The following ANAPC16 variants were observed in gnomAD, a reference collection of about 807,000 sequenced individuals.
ANAPC16 encodes the protein anaphase-promoting complex subunit 16.
ANAPC16 carries 6 observed loss-of-function variants against 13.1 expected under a neutral mutation model. That is an observed-to-expected ratio of 0.46 (90% CI 0.25 to 0.90). The LOEUF is 0.90. Ranked by LOEUF, ANAPC16 falls within the 40% of genes least tolerant of loss-of-function variation. The probability of loss-of-function intolerance (pLI) is 0.18; values close to 1 mark genes in which losing one functional copy is unlikely to be tolerated. For missense variants in ANAPC16, 113 were observed against 131.1 expected (o/e 0.86, Z 0.67); for synonymous variants, 55 against 51.3 (o/e 1.07, Z -0.31).
chr10:72,232,893 C>T (rs1860367413), intron 3 of ANAPC16, 108 bp from the exon 4 acceptor site: 3 of 890,848 alleles, frequency 3.4e-6, no homozygotes, highest in African/African-American at 3.3e-5. Flanking sequence ...CGTGATCCAC[C>T]ACACCCGGCC....
At position 72,217,658 on chromosome 10, in the gene ANAPC16, A is replaced by G. The variant is rs529856727; in HGVS notation, c.-28+1520A>G. Among the ~76,000 whole-genome samples, 3 of 152,220 alleles carry G rather than the reference A, an allele frequency of 2.0e-5. No homozygotes were observed. The South Asian group carries it at 6.2e-4, about 32-fold the overall frequency. Reference sequence around the variant, plus strand: ...ATCTGCATAGGAAAAAAGACTCAGTAGTAACTCTCCGTTAATGACTTTGAA... The same window carrying G: ...ATCTGCATAGGAAAAAAGACTCAGTGGTAACTCTCCGTTAATGACTTTGAA... On this transcript the variant is annotated intron_variant, in intron 1 of 3. Coordinates refer to ENST00000299381, the MANE Select transcript of ANAPC16 (RefSeq NM_173473.4).
At chr10:72,228,717 T>C (rs1328341286) in intron 2 of ANAPC16, among the ~76,000 whole-genome samples, 2 of 152,170 alleles carry the variant, frequency 1.3e-5, no homozygotes, top group African/African-American at 4.8e-5. Flanking sequence ...TGGACGTTAA[T>C]AGGGAGCTGC....
chr10:72,228,058 G>A (rs1860181499), intron 2 of ANAPC16, among the ~76,000 whole-genome samples: 2 of 151,498 alleles, frequency 1.3e-5, no homozygotes, highest in Admixed American at 1.3e-4. Flanking sequence ...TATGAAAATA[G>A]AGCAGGAAGG....
rs1248936749 is a variant in ANAPC16, at chr10:72,233,110, A to G, written c.327A>G (p.Ser109=). 6 of 1,613,870 alleles carry G rather than the reference A, an allele frequency of 3.7e-6. No individual in the cohort carries two copies. The highest frequency in any genetic ancestry group is 1.3e-5 in the African/African-American group (1 of 75,046). The part of the protein sequence containing the change: ...IEQLLGFTPS[S]G ...AGCTGCTGGGATTCACCCCCTCTTC[A>G]GGTTGATACTGCCTGGATGGTCACC... is the stretch of plus-strand genomic sequence containing the variant. The change falls in exon 4 of 4, where the codon TCA becomes TCG. Residue 109 remains serine (S), a synonymous_variant. Transcript: ENST00000299381.
intron 1 of ANAPC16, among the ~76,000 whole-genome samples, chr10:72,218,052 A>G (rs903486764): frequency 1.3e-5 from 2 of 150,390 alleles, no homozygotes; most frequent in Non-Finnish European, 3.0e-5. Context: ...CAACTAAGGA[A>G]CAAAAAGATC....
intron 2 of ANAPC16, among the ~76,000 whole-genome samples, chr10:72,224,422 G>T (rs1860051019): frequency 6.6e-6 from 1 of 152,100 alleles, no homozygotes; most frequent in Non-Finnish European, 1.5e-5. Context: ...AGAGCAGCCT[G>T]GCCAACATGG....
chr10:72,218,163 AAAATATATATATATAT>A (rs1253832687), intron 1 of ANAPC16, among the ~76,000 whole-genome samples: 121 of 34,112 alleles, frequency 3.5e-3, no homozygotes, highest in South Asian at 0.011. Context: ...AAAAAAAAAA[AAAATATATATATATAT>A]ATATATATAT....
At chr10:72,221,707 C>G (rs1486305106) in intron 1 of ANAPC16, among the ~76,000 whole-genome samples, 3 of 149,674 alleles carry the variant, frequency 2.0e-5, no homozygotes, top group Non-Finnish European at 3.0e-5. Context: ...TACAGGCGCC[C>G]ACCACCACAC....
rs374106007 is a variant in ANAPC16 at position 72,223,905 on chromosome 10, T to C, written c.-10T>C. ...CTCTGTAGTGAAGTAAGAACTCTGC[T>C]AGAGAGGAAATGGCTGCTTCATCAT... On this transcript the variant is annotated 5_prime_UTR_variant, in exon 2 of 4. Transcript: ENST00000299381. 294 of 1,590,556 alleles carry C rather than the reference T, an allele frequency of 1.8e-4. 2 individuals carry two copies. Among genetic ancestry groups the C allele is most frequent in the South Asian group, 1.1e-3 (100 of 89,266 alleles).
chr10:72,233,917 C>T lies in ANAPC16; in HGVS notation c.*801C>T, dbSNP rs137865090. On this transcript the variant is annotated 3_prime_UTR_variant, in exon 4 of 4. Coordinates refer to ENST00000299381, the MANE Select transcript of ANAPC16 (RefSeq NM_173473.4). Reference sequence around the variant, plus strand: ...TTTTAGAAGAAGGGAATCTAAAAACCATCTCTCCTAAACAAATGGTAGACT... The same window carrying T: ...TTTTAGAAGAAGGGAATCTAAAAACTATCTCTCCTAAACAAATGGTAGACT... 4.7e-4 allele frequency: 71 copies of T among 152,512 alleles called. No individual in the cohort carries two copies. The highest frequency in any genetic ancestry group is 1.6e-3 in the African/African-American group (66 of 41,524). 9.4% of individuals were successfully genotyped at this position (152,512 alleles called of 1,614,324 possible).
At chr10:72,226,274 C>T (rs1860120705) in intron 2 of ANAPC16, among the ~76,000 whole-genome samples, 1 of 152,036 alleles carries the variant, frequency 6.6e-6, no homozygotes, top group South Asian at 2.1e-4. Flanking sequence ...CCACCTCAGC[C>T]TCCCAAAGTG....
rs1342327578 is a variant in ANAPC16 at position 72,235,214 on chromosome 10, T to G, written c.*2098T>G. On this transcript the variant is annotated 3_prime_UTR_variant, in exon 4 of 4. Transcript: ENST00000299381. ...CTGTAATCCCGGCACTTTGGGAGGC[T>G]GAGGCAGGCGGATTGCCTGAGATCG... The G allele has an allele frequency of 2.0e-5, 3 of 151,668 alleles. No homozygotes were observed. The highest frequency in any genetic ancestry group is 7.3e-5 in the African/African-American group (3 of 41,244). 9.4% of individuals were successfully genotyped at this position (151,668 alleles called of 1,614,324 possible).
rs968475801 is a variant in ANAPC16, at chr10:72,235,282, C to T, written c.*2166C>T. 1 of 151,578 alleles carries T rather than the reference C, an allele frequency of 6.6e-6. No homozygotes were observed. The highest frequency in any genetic ancestry group is 6.6e-5 in the Admixed American group (1 of 15,176). 9.4% of individuals were successfully genotyped at this position (151,578 alleles called of 1,614,324 possible). ...TGGCCAACATGGTGAAACCTTGTCTCTACTAAAACTACAAAAAAAATTAGC... is the reference window on the plus strand; with the variant it reads ...TGGCCAACATGGTGAAACCTTGTCTTTACTAAAACTACAAAAAAAATTAGC... On this transcript the variant is annotated 3_prime_UTR_variant, in exon 4 of 4. Coordinates refer to ENST00000299381, the MANE Select transcript of ANAPC16 (RefSeq NM_173473.4).
At chr10:72,225,291 A>G (rs139790598) in intron 2 of ANAPC16, among the ~76,000 whole-genome samples, 2 of 146,536 alleles carry the variant, frequency 1.4e-5, no homozygotes, top group East Asian at 4.1e-4. Context: ...TCAAAAATAT[A>G]TATAAATAAA....
At chr10:72,219,976 A>T (rs940286184) in intron 1 of ANAPC16, 1 of 152,198 alleles carries the variant, frequency 6.6e-6, no homozygotes, top group African/African-American at 2.4e-5. Context: ...CCTTACTAGG[A>T]ATCTGGATTT....
chr10:72,232,186 CAAAAAAAAAAAAA>C (rs1194817055), intron 3 of ANAPC16, among the ~76,000 whole-genome samples: 2 of 43,898 alleles, frequency 4.6e-5, no homozygotes, highest in Non-Finnish European at 1.2e-4. Context: ...AACTCTGTCT[CAAAAAAAAAAAAA>C]AAAAAAAAAA....
intron 1 of ANAPC16, chr10:72,220,751 A>G (rs1375353158): frequency 6.8e-6 from 1 of 147,590 alleles, no homozygotes; most frequent in African/African-American, 2.5e-5. Context: ...AAAAATACTC[A>G]GGCTGGTCTA....
intron 1 of ANAPC16, among the ~76,000 whole-genome samples, chr10:72,217,519 T>C (rs1859566543): frequency 6.6e-6 from 1 of 151,474 alleles, no homozygotes; most frequent in African/African-American, 2.4e-5. Context: ...TAGAAGGCAC[T>C]GGCCCTCCTC....
Position 72,218,537 on chromosome 10 carries a change from G to C in ANAPC16, c.-28+2399G>C, listed in dbSNP as rs4747240. ...AGTTTTATTTTTTCATATATAAAAT[G>C]GGGAAGTTGGGTTAGATGACCTTTA... On this transcript the variant is annotated intron_variant, in intron 1 of 3. Coordinates refer to ENST00000299381, the MANE Select transcript of ANAPC16 (RefSeq NM_173473.4). 2.5e-3 allele frequency among the ~76,000 whole-genome samples: 388 copies of C among 152,160 alleles called. 5 individuals are homozygous for C. The East Asian group carries it at 0.034, about 13-fold the overall frequency.
Sources: allele counts gnomAD v4.1 joint callset (sites outside exome capture counted in the v4.1 genomes callset), GRCh38; gene constraint gnomAD v4.1.1; transcripts MANE v1.5; gene names NCBI Gene and HGNC (gene_info 2026-07-23, HGNC 2026-07-21).